The following TBC1D19 variants were observed in gnomAD, a reference collection of about 807,000 sequenced individuals.
TBC1D19 encodes TBC1 domain family member 19.
TBC1D19 carries 60 observed loss-of-function variants against 89.0 expected under a neutral mutation model. The observed-to-expected ratio is 0.67, with a 90% CI of 0.55 to 0.84. TBC1D19 has a LOEUF of 0.84. Ranked by LOEUF, TBC1D19 falls within the 40% of genes least tolerant of loss-of-function variation. The probability of loss-of-function intolerance (pLI) is 0.00; values close to 1 mark genes in which losing one functional copy is unlikely to be tolerated. For synonymous variants in TBC1D19, 189 were observed against 199.7 expected (o/e 0.95, Z 0.45); for missense variants, 500 against 610.8 (o/e 0.82, Z 1.91).
chr4:26,756,412 T>C (rs1313285073), downstream of TBC1D19, among the ~76,000 whole-genome samples: 1 of 152,182 alleles, frequency 6.6e-6, no homozygotes, highest in Non-Finnish European at 1.5e-5. Context: ...TTTAGGAGAA[T>C]ATGCATTAGC....
the TBC1D19 span, among the ~76,000 whole-genome samples, chr4:26,795,929 A>T: frequency 6.6e-6 from 1 of 152,166 alleles, no homozygotes; most frequent in Non-Finnish European, 1.5e-5. Context: ...ATCCCTCCAG[A>T]ATTTCTTTAT....
intron 7 of TBC1D19, among the ~76,000 whole-genome samples, chr4:26,655,061 TC>T (rs1314273969): frequency 1.3e-5 from 2 of 152,204 alleles, no homozygotes; most frequent in African/African-American, 2.4e-5. Flanking sequence ...GGTGTGGATG[TC>T]CTTTTTGTTT....
At position 26,688,356 on chromosome 4, in the gene TBC1D19, G is replaced by T; in HGVS notation, c.903G>T (p.Leu301Phe). 6.4e-7 allele frequency: 1 copy of T among 1,570,820 alleles called. No homozygotes were observed. The highest frequency in any genetic ancestry group is 1.1e-5 in the South Asian group (1 of 88,596). ...ACTTTTAATTATAGGATGTGAAGTTGACAGCAAGCAATGATGATTATTATT... is the reference window on the plus strand; with the variant it reads ...ACTTTTAATTATAGGATGTGAAGTTTACAGCAAGCAATGATGATTATTATT... ...VDSLIYKDVK[L>F]TASNDDYYFV... Residue 301 changes from leucine (L) to phenylalanine (F), a missense_variant, in exon 13 of 21, where the codon TTG (leucine) becomes TTT (phenylalanine). Transcript: ENST00000264866.
At chr4:26,668,145 A>G (rs1711975667) in intron 9 of TBC1D19, among the ~76,000 whole-genome samples, 1 of 151,832 alleles carries the variant, frequency 6.6e-6, no homozygotes, top group South Asian at 2.1e-4. Context: ...GCTTTTTCTT[A>G]TTTTATAAGA....
chr4:26,830,860 G>A, the TBC1D19 span, among the ~76,000 whole-genome samples: 6 of 152,254 alleles, frequency 3.9e-5, no homozygotes, highest in East Asian at 5.8e-4. Context: ...GACTGAACAC[G>A]CTAGCCTCAG....
chr4:26,834,354 C>T, the TBC1D19 span, among the ~76,000 whole-genome samples: 2 of 152,322 alleles, frequency 1.3e-5, no homozygotes, highest in South Asian at 2.1e-4. Context: ...GGTTAGGCCA[C>T]AGGTGAATCT....
At chr4:26,831,549 AT>A in the TBC1D19 span, among the ~76,000 whole-genome samples, 1 of 127,506 alleles carries the variant, frequency 7.8e-6, no homozygotes, top group Non-Finnish European at 1.8e-5. Context: ...TAATCCCTTT[AT>A]TTTCCTTTTT....
intron 4 of TBC1D19, among the ~76,000 whole-genome samples, chr4:26,625,439 CTTA>C (rs998187937): frequency 6.6e-6 from 1 of 152,058 alleles, no homozygotes; most frequent in Non-Finnish European, 1.5e-5. Context: ...CGCAGTTTCC[CTTA>C]TTATTAGCAT....
chr4:26,751,007 T>G (rs2109333335), intron 19 of TBC1D19, among the ~76,000 whole-genome samples: 1 of 152,326 alleles, frequency 6.6e-6, no homozygotes, highest in Non-Finnish European at 1.5e-5. Context: ...TCGATAGAAT[T>G]GCTTAGAATT....
chr4:26,677,522 C>T (rs537031064), intron 11 of TBC1D19, among the ~76,000 whole-genome samples: 1 of 152,154 alleles, frequency 6.6e-6, no homozygotes, highest in Non-Finnish European at 1.5e-5. Flanking sequence ...AGGGTTACAC[C>T]ATGTTAGCCA....
chr4:26,655,540 G>C (rs915024469), intron 7 of TBC1D19, among the ~76,000 whole-genome samples: 2 of 152,190 alleles, frequency 1.3e-5, no homozygotes, highest in African/African-American at 4.8e-5. Flanking sequence ...CTTCCTGGCT[G>C]CTTTGTTTAC....
At chr4:26,786,227 G>A in the TBC1D19 span, among the ~76,000 whole-genome samples, 1 of 152,194 alleles carries the variant, frequency 6.6e-6, no homozygotes, top group African/African-American at 2.4e-5. Flanking sequence ...TAAAAGCAGG[G>A]TGAGTGCTCA....
chr4:26,748,382 C>A, intron 18 of TBC1D19, 29 bp from the exon 19 acceptor site: 1 of 1,530,254 alleles, frequency 6.5e-7, no homozygotes, highest in Non-Finnish European at 9.0e-7. Context: ...TTCAGTGGTA[C>A]ATTAATTTTT....
the TBC1D19 span, among the ~76,000 whole-genome samples, chr4:26,796,055 G>C: frequency 6.6e-6 from 1 of 152,106 alleles, no homozygotes; most frequent in Non-Finnish European, 1.5e-5. Context: ...GGTATTTGTA[G>C]TACAAAAAGA....
At chr4:26,672,291 GA>G in intron 10 of TBC1D19, 104 bp downstream of exon 10, 1 of 964,858 alleles carries the variant, frequency 1.0e-6, no homozygotes. Flanking sequence ...TCTGAAAAGT[GA>G]AAAACCTAAA....
chr4:26,590,794 C>CTT (rs1739720844), intron 1 of TBC1D19, among the ~76,000 whole-genome samples: 2 of 31,760 alleles, frequency 6.3e-5, no homozygotes, highest in African/African-American at 2.3e-4. Context: ...TCTTGCAGGT[C>CTT]TGTTTTTTTT....
intron 13 of TBC1D19, among the ~76,000 whole-genome samples, chr4:26,700,386 G>A (rs539350301): frequency 5.9e-5 from 9 of 152,096 alleles, no homozygotes; most frequent in Non-Finnish European, 1.2e-4. Context: ...ATATTGAATG[G>A]CATTTTTTTT....
chr4:26,757,753 C>T (rs894509157), downstream of TBC1D19, among the ~76,000 whole-genome samples: 3 of 152,102 alleles, frequency 2.0e-5, no homozygotes, highest in African/African-American at 7.2e-5. Flanking sequence ...TTAGCTTTTT[C>T]TCTCCCCCCA....
At chr4:26,614,483 A>G (rs1224999815) in intron 3 of TBC1D19, 30 bp downstream of exon 3, 2 of 1,540,558 alleles carry the variant, frequency 1.3e-6, no homozygotes, top group African/African-American at 2.7e-5. Context: ...TTACAATAGT[A>G]TTTTGTTTAG....
Sources: gnomAD v4.1 joint callset for allele counts (sites outside exome capture counted in the v4.1 genomes callset) on GRCh38, gnomAD v4.1.1 for gene constraint, MANE v1.5 for transcripts, NCBI Gene and HGNC (gene_info 2026-07-23, HGNC 2026-07-21) for gene names.